PCSK5: variants seen among roughly 807,000 people sequenced by gnomAD.
The protein encoded by PCSK5 is prohormone convertase 5.
Under a neutral mutation model 233.2 loss-of-function variants are expected in PCSK5, and 129 were observed. The observed-to-expected ratio is 0.55, with a 90% CI of 0.48 to 0.64. The LOEUF (loss-of-function observed/expected upper bound fraction) is 0.64, where lower values mean the gene tolerates loss of function less well. Among genes scored for constraint, PCSK5 ranks in the 30% least tolerant of loss-of-function variants. The pLI, the probability that PCSK5 is intolerant of heterozygous loss-of-function variation, is 0.00. For synonymous variants in PCSK5, 825 were observed against 879.2 expected (o/e 0.94, Z 1.09); for missense variants, 2,076 against 2,430.1 (o/e 0.85, Z 3.06).
intron 30 of PCSK5, among the ~76,000 whole-genome samples, chr9:76,319,796 T>A (rs1490225606): frequency 6.6e-6 from 1 of 152,182 alleles, no homozygotes; most frequent in Non-Finnish European, 1.5e-5. Flanking sequence ...TTCATGCTCC[T>A]CCTGCACTCC....
chr9:76,017,725 T>C (rs1475788341), intron 3 of PCSK5, among the ~76,000 whole-genome samples: 1 of 152,148 alleles, frequency 6.6e-6, no homozygotes, highest in African/African-American at 2.4e-5. Flanking sequence ...GCATCTGTTT[T>C]GTCTGGGGGC....
intron 10 of PCSK5, among the ~76,000 whole-genome samples, chr9:76,146,858 C>T (rs1823461869): frequency 6.6e-6 from 1 of 152,120 alleles, no homozygotes; most frequent in Non-Finnish European, 1.5e-5. Context: ...CTAGTTTCTT[C>T]AGCTAGAAAA....
chr9:76,239,001 G>T lies in PCSK5; in HGVS notation c.2909G>T (p.Gly970Val). The change falls in exon 23 of 38, where the codon GGA becomes GTA. Residue 970 changes from glycine to valine, a missense_variant. By Grantham distance (109) the Gly-to-Val change is moderately radical. Coordinates refer to ENST00000674117, the MANE Select transcript of PCSK5 (RefSeq NM_001372043.1). ...CACTTCCTGTACCAGGGAGAGTGTG[G>T]AGATAGCTGCCCAGAGGGCCACTAT... is the stretch of plus-strand genomic sequence containing the variant. ...REHFLYQGEC[G>V]DSCPEGHYAT... is the part of the protein sequence containing the mutation. The T allele has an allele frequency of 6.2e-7, 1 of 1,612,334 alleles. No homozygotes were observed. Among genetic ancestry groups the T allele is most frequent in the Non-Finnish European group, 8.5e-7 (1 of 1,179,748 alleles).
At chr9:76,097,795 C>T (rs1831598277) in intron 8 of PCSK5, among the ~76,000 whole-genome samples, 1 of 152,234 alleles carries the variant, frequency 6.6e-6, no homozygotes, top group Non-Finnish European at 1.5e-5. Flanking sequence ...AAAGCTCTAA[C>T]TTTTCGGGGA....
intron 3 of PCSK5, among the ~76,000 whole-genome samples, chr9:76,021,085 G>T (rs1239252967): frequency 1.3e-5 from 2 of 152,218 alleles, no homozygotes; most frequent in African/African-American, 2.4e-5. Flanking sequence ...TTTGCTGGCA[G>T]TGTATCTTGG....
intron 35 of PCSK5, among the ~76,000 whole-genome samples, chr9:76,345,154 A>G (rs1369329033): frequency 6.6e-6 from 1 of 151,606 alleles, no homozygotes; most frequent in African/African-American, 2.4e-5. Flanking sequence ...TGTATTTCCC[A>G]GTGTCTATTG....
In PCSK5 at chr9:76,321,442, G is replaced by A. The variant is rs1110222; in HGVS notation, c.3905G>A (p.Gly1302Asp). 529,905 of 1,597,670 alleles carry A rather than the reference G, an allele frequency of 0.33. 89,819 individuals are homozygous for A. Among genetic ancestry groups the A allele is most frequent in the African/African-American group, 0.43 (32,124 of 74,642 alleles). Residue 1302 changes from glycine to aspartate, a missense_variant, in exon 31 of 38, where the codon GGC becomes GAC. Coordinates refer to ENST00000674117, the MANE Select transcript of PCSK5 (RefSeq NM_001372043.1). ...CACAGGGGCTCTTATGCAGAAGACG[G>A]CATATGTGAACGCTGTAGCTCTCCT... Reference protein sequence around the residue: ...KCPEGSYAEDGICERCSSPCR... With the variant: ...KCPEGSYAEDDICERCSSPCR...
At chr9:76,261,981 A>G (rs1360462648) in intron 24 of PCSK5, among the ~76,000 whole-genome samples, 1 of 152,110 alleles carries the variant, frequency 6.6e-6, no homozygotes, top group African/African-American at 2.4e-5. Flanking sequence ...TCTTTTCCTA[A>G]TTGAATACCC....
chr9:76,334,781 A>G (rs529609509), intron 34 of PCSK5, among the ~76,000 whole-genome samples: 5 of 152,286 alleles, frequency 3.3e-5, no homozygotes, highest in African/African-American at 1.2e-4. Flanking sequence ...CTGCCAGACA[A>G]GAACAGAGAT....
intron 10 of PCSK5, among the ~76,000 whole-genome samples, chr9:76,141,691 CT>C (rs1266265250): frequency 6.6e-6 from 1 of 152,078 alleles, no homozygotes; most frequent in Non-Finnish European, 1.5e-5. Flanking sequence ...ATGAGATTGT[CT>C]TTTGTAGGCT....
chr9:75,909,687 C>T (rs1587348588), intron 1 of PCSK5, among the ~76,000 whole-genome samples: 2 of 151,878 alleles, frequency 1.3e-5, no homozygotes, highest in African/African-American at 4.8e-5. Flanking sequence ...AAGAGCAAGA[C>T]TCCGTCTCAA....
At chr9:76,349,254 A>G (rs1025808949) in intron 35 of PCSK5, among the ~76,000 whole-genome samples, 3 of 144,226 alleles carry the variant, frequency 2.1e-5, no homozygotes, top group African/African-American at 7.6e-5. Context: ...AGCCTGGGCG[A>G]CAGAGCCAGA....
intron 9 of PCSK5, among the ~76,000 whole-genome samples, chr9:76,114,687 T>C (rs1832355772): frequency 6.7e-6 from 1 of 148,192 alleles, no homozygotes; most frequent in Non-Finnish European, 1.5e-5. Flanking sequence ...TCTTTTTCCT[T>C]AGCTGTATTT....
chr9:76,255,955 G>C (rs1453164720), intron 24 of PCSK5, among the ~76,000 whole-genome samples: 2 of 152,190 alleles, frequency 1.3e-5, no homozygotes, highest in African/African-American at 4.8e-5. Context: ...TTCAGACTTA[G>C]GACTGTCTGG....
chr9:76,112,652 C>T (rs1832270511), intron 9 of PCSK5, among the ~76,000 whole-genome samples: 1 of 151,914 alleles, frequency 6.6e-6, no homozygotes, highest in African/African-American at 2.4e-5. Flanking sequence ...ATATTGAACA[C>T]TACAAAAAAA....
chr9:76,213,295 T>G (rs1281032502), intron 20 of PCSK5, among the ~76,000 whole-genome samples: 1 of 152,226 alleles, frequency 6.6e-6, no homozygotes, highest in African/African-American at 2.4e-5. Flanking sequence ...GTTGAAGTTT[T>G]CCAAAAATGG....
At chr9:75,930,015 A>G (rs532118914) in intron 1 of PCSK5, among the ~76,000 whole-genome samples, 1 of 152,226 alleles carries the variant, frequency 6.6e-6, no homozygotes, top group African/African-American at 2.4e-5. Context: ...GGCATGTGCT[A>G]CCACGCCCAG....
chr9:76,299,467 G>A (rs144669846), intron 27 of PCSK5, among the ~76,000 whole-genome samples: 3,038 of 152,132 alleles, frequency 0.02, 107 homozygotes, highest in African/African-American at 0.067. Flanking sequence ...TCAGGAGTTC[G>A]AGACCAACCT....
At chr9:76,178,107 G>A (rs1823697566) in intron 14 of PCSK5, among the ~76,000 whole-genome samples, 1 of 152,100 alleles carries the variant, frequency 6.6e-6, no homozygotes, top group South Asian at 2.1e-4. Flanking sequence ...CTGTGTCATT[G>A]GATCCAAGGG....
Sources: allele counts gnomAD v4.1 joint callset (sites outside exome capture counted in the v4.1 genomes callset), GRCh38; gene constraint gnomAD v4.1.1; transcripts MANE v1.5; gene names NCBI Gene and HGNC (gene_info 2026-07-23, HGNC 2026-07-21).